Variants in RALYL observed in about 807,000 individuals in gnomAD.
RALYL encodes the protein RALY RNA binding protein like.
Under a neutral mutation model 35.1 loss-of-function variants are expected in RALYL, and 29 were observed. The ratio of observed to expected loss-of-function variants is 0.83; its 90% CI spans 0.61 to 1.13. The LOEUF (loss-of-function observed/expected upper bound fraction) is 1.13. Among genes scored for constraint, RALYL ranks in the 50% most tolerant of loss-of-function variants. The pLI is 0.00. For missense variants in RALYL, 359 were observed against 360.4 expected, an observed-to-expected ratio of 1.00 and a Z score of 0.03; for synonymous variants, 120 against 127.6, an observed-to-expected ratio of 0.94 and a Z score of 0.40.
At chr8:84,390,060 T>C (rs1216448620) in intron 1 of RALYL, among the ~76,000 whole-genome samples, 1 of 152,180 alleles carries the variant, frequency 6.6e-6, no homozygotes, top group Non-Finnish European at 1.5e-5. Context: ...TGAAGGGCTG[T>C]TGAATTTTGT....
At chr8:84,595,822 G>A (rs920450963) in intron 2 of RALYL, among the ~76,000 whole-genome samples, 1 of 133,196 alleles carries the variant, frequency 7.5e-6, no homozygotes, top group Non-Finnish European at 1.6e-5. Flanking sequence ...TTTGTAGTAT[G>A]AGCCTGATCA....
intron 2 of RALYL, among the ~76,000 whole-genome samples, chr8:84,573,161 A>T (rs1323877962): frequency 2.0e-5 from 3 of 151,412 alleles, no homozygotes; most frequent in South Asian, 2.1e-4. Flanking sequence ...AAATAAATTT[A>T]AAAAATTTTT....
At chr8:84,595,802 G>A (rs1280003357) in intron 2 of RALYL, among the ~76,000 whole-genome samples, 1 of 139,870 alleles carries the variant, frequency 7.1e-6, no homozygotes, top group Non-Finnish European at 1.5e-5. Context: ...AGAAATCAGA[G>A]CAAATGGGAT....
chr8:84,824,435 G>A (rs926139646), intron 4 of RALYL, among the ~76,000 whole-genome samples: 1 of 152,128 alleles, frequency 6.6e-6, no homozygotes, highest in East Asian at 1.9e-4. Context: ...TGGCCAGACT[G>A]CCCAAAGCAA....
intron 1 of RALYL, among the ~76,000 whole-genome samples, chr8:84,214,997 C>T (rs542509927): frequency 3.0e-4 from 45 of 152,010 alleles, no homozygotes; most frequent in African/African-American, 1.0e-3. Flanking sequence ...GCTCCACCTC[C>T]TGGGTTCATG....
At chr8:84,846,482 A>AT (rs1834683531) in intron 4 of RALYL, among the ~76,000 whole-genome samples, 1 of 151,792 alleles carries the variant, frequency 6.6e-6, no homozygotes, top group African/African-American at 2.4e-5. Context: ...TTTGTGTATT[A>AT]TTTTTCTTTG....
At chr8:84,440,983 C>G (rs2048271247) in intron 1 of RALYL, among the ~76,000 whole-genome samples, 1 of 151,942 alleles carries the variant, frequency 6.6e-6, no homozygotes, top group Non-Finnish European at 1.5e-5. Context: ...TTCATTCCCA[C>G]CAGAAATGAA....
At chr8:84,668,000 A>C (rs1832421068) in intron 2 of RALYL, among the ~76,000 whole-genome samples, 1 of 152,030 alleles carries the variant, frequency 6.6e-6, no homozygotes, top group Admixed American at 6.6e-5. Context: ...CAGCCTTTTA[A>C]AATTCTTTTT....
chr8:84,287,030 C>T (rs1837750182), intron 1 of RALYL, among the ~76,000 whole-genome samples: 1 of 152,188 alleles, frequency 6.6e-6, no homozygotes, highest in South Asian at 2.1e-4. Flanking sequence ...TTCTTGGCTA[C>T]TGTTTTAAGC....
At chr8:84,679,058 T>G (rs1834815210) in intron 2 of RALYL, 1 of 320,436 alleles carries the variant, frequency 3.1e-6, no homozygotes, top group African/African-American at 2.1e-5. Context: ...AAGCAAATGC[T>G]CCAGGGTGAA....
Position 84,237,142 on chromosome 8 carries a change from A to G in RALYL, c.-24+52718A>G, listed in dbSNP as rs193200881. On this transcript the variant is annotated intron_variant, in intron 1 of 8. Coordinates refer to ENST00000521268, the MANE Select transcript of RALYL (RefSeq NM_173848.7). Reference sequence around the variant, plus strand: ...ATTTTAAGATACTTCTTAATGGGAAATAAGTTACAGGAAACCTACACAGCC... The same window carrying G: ...ATTTTAAGATACTTCTTAATGGGAAGTAAGTTACAGGAAACCTACACAGCC... Among the ~76,000 whole-genome samples the G allele has an allele frequency of 2.5e-3, 376 of 152,338 alleles. 1 individual carries two copies. The highest frequency in any genetic ancestry group is 4.4e-3 in the Admixed American group (68 of 15,302).
At chr8:84,537,128 A>T (rs2059663478) in intron 2 of RALYL, among the ~76,000 whole-genome samples, 1 of 148,434 alleles carries the variant, frequency 6.7e-6, no homozygotes, top group Admixed American at 6.8e-5. Flanking sequence ...TGTACCCTAG[A>T]ACTTAAAGTA....
chr8:84,428,686 A>C (rs957906520), intron 1 of RALYL, among the ~76,000 whole-genome samples: 1 of 152,170 alleles, frequency 6.6e-6, no homozygotes, highest in African/African-American at 2.4e-5. Flanking sequence ...GCTAAGATGC[A>C]CACAGATACA....
chr8:84,735,097 G>T lies in RALYL; in HGVS notation c.257-39482G>T, dbSNP rs571476127. Among the ~76,000 whole-genome samples the T allele has an allele frequency of 4.0e-5, 6 of 151,340 alleles. No individual in the cohort carries two copies. In the East Asian group the frequency reaches 9.8e-4, roughly 25 times the overall value. On this transcript the variant is annotated intron_variant, in intron 2 of 8. Transcript: ENST00000521268. ...TTGGCCACAAATGGTCAGAAGCACAGTTTCATTTGCCATATTGATGGACTG... is the reference window on the plus strand; with the variant it reads ...TTGGCCACAAATGGTCAGAAGCACATTTTCATTTGCCATATTGATGGACTG...
At chr8:84,626,372 C>G (rs1462325684) in intron 2 of RALYL, among the ~76,000 whole-genome samples, 1 of 152,174 alleles carries the variant, frequency 6.6e-6, no homozygotes, top group African/African-American at 2.4e-5. Context: ...AAAGACCTCT[C>G]ATTCTCCACT....
chr8:84,875,733 A>G (rs192579221), intron 7 of RALYL, among the ~76,000 whole-genome samples: 3 of 152,248 alleles, frequency 2.0e-5, no homozygotes, highest in Non-Finnish European at 4.4e-5. Context: ...ACACTACCTT[A>G]TGGAAAGTAG....
At chr8:84,855,704 C>T (rs1474407741) in intron 5 of RALYL, among the ~76,000 whole-genome samples, 1 of 152,152 alleles carries the variant, frequency 6.6e-6, no homozygotes, top group Non-Finnish European at 1.5e-5. Context: ...TTTAATCTCC[C>T]TAGGGAAAGT....
chr8:84,894,357 T>C (rs974090432), intron 8 of RALYL, among the ~76,000 whole-genome samples: 5 of 152,224 alleles, frequency 3.3e-5, no homozygotes, highest in Admixed American at 2.0e-4. Flanking sequence ...TTAGTTGGAA[T>C]TGTAAATTAC....
intron 1 of RALYL, among the ~76,000 whole-genome samples, chr8:84,269,582 C>T (rs1451874851): frequency 6.6e-6 from 1 of 152,100 alleles, no homozygotes; most frequent in Admixed American, 6.6e-5. Flanking sequence ...GAAAACACTG[C>T]CCATTAAGTT....
Sources: allele counts gnomAD v4.1 joint callset (sites outside exome capture counted in the v4.1 genomes callset), GRCh38; gene constraint gnomAD v4.1.1; transcripts MANE v1.5; gene names NCBI Gene and HGNC (gene_info 2026-07-23, HGNC 2026-07-21).